GRM7: variants seen among roughly 807,000 people sequenced by gnomAD.
GRM7 encodes the protein metabotropic glutamate receptor 7.
Under a neutral mutation model 84.5 loss-of-function variants are expected in GRM7, and 35 were observed. The ratio of observed to expected loss-of-function variants is 0.41; its 90% CI spans 0.32 to 0.55. The LOEUF (loss-of-function observed/expected upper bound fraction) is 0.55, where lower values mean the gene tolerates loss of function less well. GRM7 is among the 20% of genes least tolerant of loss of function. The pLI, the probability that GRM7 is intolerant of heterozygous loss-of-function variation, is 0.19. For synonymous variants in GRM7, 487 were observed against 455.1 expected, an observed-to-expected ratio of 1.07 and a Z score of -0.89; for missense variants, 1,003 against 1,194.6, an observed-to-expected ratio of 0.84 and a Z score of 2.36.
chr3:7,470,053 G>T (rs1421918492), intron 7 of GRM7, among the ~76,000 whole-genome samples: 1 of 152,180 alleles, frequency 6.6e-6, no homozygotes, highest in Non-Finnish European at 1.5e-5. Context: ...CAAAGGAGCA[G>T]CTTTCCACTT....
At chr3:7,128,804 G>T (rs1693491168) in intron 1 of GRM7, among the ~76,000 whole-genome samples, 1 of 151,870 alleles carries the variant, frequency 6.6e-6, no homozygotes, top group Non-Finnish European at 1.5e-5. Flanking sequence ...CACCACACCT[G>T]ACCCAGACTT....
chr3:7,652,458 G>A (rs1015341572), intron 8 of GRM7, among the ~76,000 whole-genome samples: 1 of 152,192 alleles, frequency 6.6e-6, no homozygotes, highest in African/African-American at 2.4e-5. Context: ...TAGAAGATGT[G>A]TGTTTGCTTA....
chr3:7,464,335 C>G (rs1450093), intron 7 of GRM7, among the ~76,000 whole-genome samples: 2 of 152,010 alleles, frequency 1.3e-5, no homozygotes, highest in Non-Finnish European at 2.9e-5. Context: ...AATCAAGAAT[C>G]CCAATTGGGA....
intron 8 of GRM7, among the ~76,000 whole-genome samples, chr3:7,620,223 T>C (rs1457489303): frequency 6.6e-6 from 1 of 152,144 alleles, no homozygotes; most frequent in East Asian, 1.9e-4. Context: ...AATAAAACTA[T>C]AAAAAATGTT....
chr3:7,149,910 A>G (rs188579620), intron 2 of GRM7, among the ~76,000 whole-genome samples: 118 of 152,330 alleles, frequency 7.7e-4, no homozygotes, highest in African/African-American at 2.3e-3. Context: ...AACTTGAGTA[A>G]TAGATGTTAT....
intron 9 of GRM7, among the ~76,000 whole-genome samples, chr3:7,707,073 A>G (rs1309030264): frequency 3.3e-5 from 5 of 152,222 alleles, no homozygotes; most frequent in African/African-American, 1.2e-4. Flanking sequence ...AAGCTTATAG[A>G]AAAATATGCT....
At chr3:7,340,689 A>G (rs1701604974) in intron 4 of GRM7, among the ~76,000 whole-genome samples, 2 of 152,174 alleles carry the variant, frequency 1.3e-5, no homozygotes, top group South Asian at 2.1e-4. Flanking sequence ...GCCCTCAACC[A>G]TAATACCTCA....
At chr3:7,198,021 GTGCATTTAGGTTT>G (rs1346176975) in intron 2 of GRM7, among the ~76,000 whole-genome samples, 3 of 152,068 alleles carry the variant, frequency 2.0e-5, no homozygotes, top group Non-Finnish European at 4.4e-5. Flanking sequence ...TGTGGAGGCT[GTGCATTTAGGTTT>G]TGTTTTGGAA....
intron 8 of GRM7, among the ~76,000 whole-genome samples, chr3:7,598,816 C>A (rs1212971953): frequency 2.0e-5 from 3 of 152,128 alleles, no homozygotes; most frequent in African/African-American, 7.2e-5. Flanking sequence ...GTGAAATAAT[C>A]AGTAATTGAC....
chr3:6,973,947 T>C (rs1052460082), intron 1 of GRM7, among the ~76,000 whole-genome samples: 1 of 152,094 alleles, frequency 6.6e-6, no homozygotes, highest in Admixed American at 6.6e-5. Context: ...TAAGAATTGA[T>C]TGTATGAGAG....
intron 5 of GRM7, among the ~76,000 whole-genome samples, chr3:7,437,902 T>C (rs1697125525): frequency 6.6e-6 from 1 of 151,964 alleles, no homozygotes; most frequent in African/African-American, 2.4e-5. Flanking sequence ...TTGAGAGTAG[T>C]AGTTAGCCAG....
chr3:7,571,400 C>G lies in GRM7; in HGVS notation c.1516-7022C>G, dbSNP rs561363498. Among the ~76,000 whole-genome samples the G allele has an allele frequency of 5.3e-5, 8 of 152,222 alleles. No homozygotes were observed. The South Asian group carries it at 1.5e-3, about 28-fold the overall frequency. On this transcript the variant is annotated intron_variant, in intron 7 of 9. Transcript: ENST00000357716. ...TTTGCTGCTTAGAAATTTCTTCTGC[C>G]AGATACCCTAAATCATCTCTCTCAA... is the stretch of plus-strand genomic sequence containing the variant.
chr3:7,672,399 A>C (rs1156893772), intron 8 of GRM7, among the ~76,000 whole-genome samples: 1 of 152,134 alleles, frequency 6.6e-6, no homozygotes, highest in South Asian at 2.1e-4. Context: ...CTTCCTCTTT[A>C]CTGTGACAAC....
At chr3:7,129,498 C>T (rs550622609) in intron 1 of GRM7, among the ~76,000 whole-genome samples, 3 of 152,268 alleles carry the variant, frequency 2.0e-5, no homozygotes, top group East Asian at 1.9e-4. Flanking sequence ...CTTGCAACTA[C>T]GTGTGATTCA....
intron 1 of GRM7, among the ~76,000 whole-genome samples, chr3:7,033,348 T>C (rs778017890): frequency 6.6e-6 from 1 of 152,128 alleles, no homozygotes; most frequent in African/African-American, 2.4e-5. Context: ...GGGATTATGC[T>C]ATTCAACTCA....
At chr3:7,432,746 A>G (rs1226437645) in intron 5 of GRM7, among the ~76,000 whole-genome samples, 7 of 152,224 alleles carry the variant, frequency 4.6e-5, no homozygotes, top group African/African-American at 1.4e-4. Context: ...ATCAAAAATG[A>G]TAAAACACTG....
At chr3:7,534,767 G>T (rs1240340470) in intron 7 of GRM7, among the ~76,000 whole-genome samples, 1 of 152,126 alleles carries the variant, frequency 6.6e-6, no homozygotes, top group Admixed American at 6.5e-5. Context: ...AATATGACAA[G>T]TAAGTAAAAA....
chr3:7,695,424 T>G (rs1700981860), intron 9 of GRM7, among the ~76,000 whole-genome samples: 1 of 152,158 alleles, frequency 6.6e-6, no homozygotes, highest in South Asian at 2.1e-4. Flanking sequence ...GCCGAGGAAG[T>G]CTACATTTTT....
At chr3:6,964,804 T>G (rs4686100) in intron 1 of GRM7, among the ~76,000 whole-genome samples, 11,329 of 152,276 alleles carry the variant, frequency 0.074, 897 homozygotes, top group African/African-American at 0.19. Context: ...TTGTACCAGC[T>G]GCCCCTCCAG....
Sources: gnomAD v4.1 joint callset for allele counts (sites outside exome capture counted in the v4.1 genomes callset) on GRCh38, gnomAD v4.1.1 for gene constraint, MANE v1.5 for transcripts, NCBI Gene and HGNC (gene_info 2026-07-23, HGNC 2026-07-21) for gene names.